The following ANK3 variants were observed in gnomAD, a reference collection of about 807,000 sequenced individuals.
ANK3 encodes the protein ankyrin-3.
In ANK3, 57 loss-of-function variants were observed where a neutral mutation model predicts 370.9. That is an observed-to-expected ratio of 0.15 (90% CI 0.12 to 0.19). ANK3 has a LOEUF of 0.19. ANK3 is among the 10% of genes least tolerant of loss of function. The pLI is 1.00. For synonymous variants in ANK3, 1,929 were observed against 1,946.3 expected (o/e 0.99, Z 0.23); for missense variants, 4,439 against 5,302.1 (o/e 0.84, Z 5.06).
chr10:60,186,261 T>C (rs1388417134), intron 17 of ANK3, among the ~76,000 whole-genome samples: 1 of 152,208 alleles, frequency 6.6e-6, no homozygotes, highest in African/African-American at 2.4e-5. Flanking sequence ...TTCATTTTTA[T>C]GGCTATGTGT....
intron 2 of ANK3, among the ~76,000 whole-genome samples, chr10:60,608,974 C>T (rs1022564244): frequency 3.9e-5 from 6 of 152,024 alleles, no homozygotes; most frequent in African/African-American, 7.2e-5. Context: ...TTTTTTTAAG[C>T]CCTCATGATT....
intron 26 of ANK3, among the ~76,000 whole-genome samples, chr10:60,110,331 C>T (rs2092609362): frequency 6.6e-6 from 1 of 152,094 alleles, no homozygotes. Context: ...ATTTTTCAGC[C>T]TATCAGATTC....
intron 25 of ANK3, among the ~76,000 whole-genome samples, chr10:60,119,513 T>A (rs2093333662): frequency 6.6e-6 from 1 of 152,154 alleles, no homozygotes. Flanking sequence ...ATGCCTATAA[T>A]CCCAACACTT....
At chr10:60,681,024 T>A (rs1046155257) in intron 1 of ANK3, among the ~76,000 whole-genome samples, 2 of 152,216 alleles carry the variant, frequency 1.3e-5, no homozygotes, top group Non-Finnish European at 2.9e-5. Flanking sequence ...TGGCACTCTC[T>A]AACTCAGGGG....
rs2082381049 is a variant in ANK3, at chr10:60,069,889, G to A, written c.10992C>T (p.Asp3664=). The change falls in exon 37 of 44, where the codon GAC becomes GAT. Residue 3664 remains aspartate, a synonymous_variant. Coordinates refer to ENST00000280772, the MANE Select transcript of ANK3 (RefSeq NM_020987.5). The part of the protein sequence containing the change: ...VTATPQPQSG[D]TTVETNLERN... ...TCTCTAGATTGGTTTCTACAGTGGT[G>A]TCCCCTGACTGTGGCTGTGGTGTGG... 6 of 1,613,844 alleles carry A rather than the reference G, an allele frequency of 3.7e-6. No homozygotes were observed. The highest frequency in any genetic ancestry group is 1.1e-5 in the South Asian group (1 of 91,074).
intron 2 of ANK3, among the ~76,000 whole-genome samples, chr10:60,428,715 T>G (rs753534181): frequency 6.6e-6 from 1 of 152,202 alleles, no homozygotes; most frequent in Non-Finnish European, 1.5e-5. Context: ...ATCTTCTCCC[T>G]TGAATAGAAA....
At chr10:60,499,799 C>G (rs1024834000) in intron 2 of ANK3, among the ~76,000 whole-genome samples, 2 of 152,160 alleles carry the variant, frequency 1.3e-5, no homozygotes, top group African/African-American at 2.4e-5. Flanking sequence ...GAAACGCACA[C>G]ATAAGAGAGT....
At chr10:60,521,115 G>A (rs1329420459) in intron 2 of ANK3, among the ~76,000 whole-genome samples, 1 of 151,830 alleles carries the variant, frequency 6.6e-6, no homozygotes, top group Non-Finnish European at 1.5e-5. Context: ...AGGAGACTAG[G>A]TTATTAATTA....
rs770107349 is a variant in ANK3 at position 60,074,186 on chromosome 10, C to T, written c.6695G>A (p.Arg2232Gln). The T allele has an allele frequency of 3.8e-5, 62 of 1,614,046 alleles. No homozygotes were observed. The Middle Eastern group carries it at 1.7e-3, about 43-fold the overall frequency. Reference protein sequence around the residue: ...KASSEEDDHNRVLSKGMRVKE... With the variant: ...KASSEEDDHNQVLSKGMRVKE... Reference sequence around the variant, plus strand: ...AACACGCATGCCTTTGCTTAAAACCCGATTGTGGTCATCTTCTTCACTACT... The same window carrying T: ...AACACGCATGCCTTTGCTTAAAACCTGATTGTGGTCATCTTCTTCACTACT... The change falls in exon 37 of 44, where the codon CGG becomes CAG. Residue 2232 changes from arginine (R) to glutamine (Q), a missense_variant. Around this residue, in one of 13 missense-constraint regions of ANK3, gnomAD observed 1,601 missense variants for 1,731.7 expected, o/e 0.92. Coordinates refer to ENST00000280772, the MANE Select transcript of ANK3 (RefSeq NM_020987.5).
At chr10:60,607,516 C>T (rs2078144230) in intron 2 of ANK3, among the ~76,000 whole-genome samples, 1 of 152,160 alleles carries the variant, frequency 6.6e-6, no homozygotes, top group African/African-American at 2.4e-5. Flanking sequence ...TAAAGAGCAA[C>T]ATATTTACAT....
At chr10:60,720,027 C>T (rs139739450) in intron 1 of ANK3, among the ~76,000 whole-genome samples, 5 of 152,176 alleles carry the variant, frequency 3.3e-5, no homozygotes, top group Non-Finnish European at 5.9e-5. Flanking sequence ...AAATGTTGAA[C>T]GAATTCCCAT....
intron 18 of ANK3, among the ~76,000 whole-genome samples, chr10:60,175,231 A>C (rs2095896296): frequency 6.6e-6 from 1 of 152,172 alleles, no homozygotes; most frequent in African/African-American, 2.4e-5. Flanking sequence ...CTGTTACACA[A>C]ACACTAAAGT....
At chr10:60,584,669 G>C (rs972898422) in intron 2 of ANK3, among the ~76,000 whole-genome samples, 1 of 152,102 alleles carries the variant, frequency 6.6e-6, no homozygotes, top group African/African-American at 2.4e-5. Context: ...GTGTACAAAA[G>C]ACACATAACA....
At chr10:60,061,594 TG>T (rs1414738698) in intron 40 of ANK3, among the ~76,000 whole-genome samples, 1 of 152,172 alleles carries the variant, frequency 6.6e-6, no homozygotes, top group East Asian at 1.9e-4. Context: ...TATATGGCCT[TG>T]CATATAAGAC....
At chr10:60,539,522 T>C (rs151166512) in intron 2 of ANK3, among the ~76,000 whole-genome samples, 131 of 152,044 alleles carry the variant, frequency 8.6e-4, no homozygotes, top group African/African-American at 2.9e-3. Context: ...CCAAAGAAGA[T>C]GGTACCTAAC....
At chr10:60,050,332 C>T (rs552594570) in intron 42 of ANK3, among the ~76,000 whole-genome samples, 1 of 152,102 alleles carries the variant, frequency 6.6e-6, no homozygotes, top group Non-Finnish European at 1.5e-5. Flanking sequence ...AAAATTTAGA[C>T]AACGATTTAT....
chr10:60,131,588 A>C lies in ANK3; in HGVS notation c.2841+2683T>G, dbSNP rs141803012. 1.2e-3 allele frequency among the ~76,000 whole-genome samples: 180 copies of C among 152,276 alleles called. 1 individual carries two copies. Among genetic ancestry groups the C allele is most frequent in the Middle Eastern group, 6.8e-3 (2 of 294 alleles). On this transcript the variant is annotated intron_variant, in intron 25 of 43. Coordinates refer to ENST00000280772, the MANE Select transcript of ANK3 (RefSeq NM_020987.5). ...TTCTCTTTGTCTTCTATTTCTGTTCACAAATCCTTAGTTCTGAGTAAATGC... is the reference window on the plus strand; with the variant it reads ...TTCTCTTTGTCTTCTATTTCTGTTCCCAAATCCTTAGTTCTGAGTAAATGC...
At chr10:60,283,120 TCTCTC>T (rs1019762732) in intron 1 of ANK3, among the ~76,000 whole-genome samples, 8 of 152,190 alleles carry the variant, frequency 5.3e-5, no homozygotes, top group African/African-American at 1.9e-4. Context: ...CTTCTTACTC[TCTCTC>T]CTCTAAAATA....
intron 42 of ANK3, 74 bp from the exon 43 acceptor site, chr10:60,042,833 T>C (rs1318702236): frequency 8.8e-6 from 14 of 1,595,432 alleles, no homozygotes; most frequent in Non-Finnish European, 1.1e-5. Context: ...TTCTGATCCT[T>C]GGAGGCTGGA....
Sources: gnomAD v4.1 joint callset for allele counts (sites outside exome capture counted in the v4.1 genomes callset) on GRCh38, gnomAD v4.1.1 for gene constraint, gnomAD v4.1.1 regional missense constraint, MANE v1.5 for transcripts, NCBI Gene and HGNC (gene_info 2026-07-23, HGNC 2026-07-21) for gene names.